The following RXRA variants were observed in gnomAD, a reference collection of about 807,000 sequenced individuals.
RXRA encodes the protein retinoic acid receptor RXR-alpha.
RXRA carries 5 observed loss-of-function variants against 44.5 expected under a neutral mutation model. The ratio of observed to expected loss-of-function variants is 0.11; its 90% CI spans 0.06 to 0.24. The LOEUF (loss-of-function observed/expected upper bound fraction) is 0.24. Ranked by LOEUF, RXRA falls within the 10% of genes least tolerant of loss-of-function variation. The pLI is 1.00. For synonymous variants in RXRA, 291 were observed against 271.4 expected (o/e 1.07, Z -0.71); for missense variants, 412 against 646.5 (o/e 0.64, Z 3.93).
intron 1 of RXRA, among the ~76,000 whole-genome samples, chr9:134,389,117 C>T (rs938884331): frequency 5.3e-5 from 8 of 152,184 alleles, no homozygotes; most frequent in South Asian, 4.1e-4. Flanking sequence ...GCCACCTGGC[C>T]GGTCCTGTCG....
At chr9:134,367,309 C>G (rs1372293809) in intron 1 of RXRA, among the ~76,000 whole-genome samples, 1 of 152,210 alleles carries the variant, frequency 6.6e-6, no homozygotes, top group Non-Finnish European at 1.5e-5. Flanking sequence ...CTGCGCTGGG[C>G]AGGGACTGAG....
chr9:134,383,172 C>T (rs1436691046), intron 1 of RXRA, among the ~76,000 whole-genome samples: 13 of 152,178 alleles, frequency 8.5e-5, no homozygotes, highest in Admixed American at 7.2e-4. Flanking sequence ...CATGAGGGGC[C>T]GAGAGCCCAG....
At chr9:134,372,287 G>C (rs1451809886) in intron 1 of RXRA, 1 of 152,318 alleles carries the variant, frequency 6.6e-6, no homozygotes, top group South Asian at 2.1e-4. Context: ...CACTGGGGAG[G>C]TGGAGGGCCG....
chr9:134,357,473 G>A (rs1214665901), intron 1 of RXRA, among the ~76,000 whole-genome samples: 2 of 152,140 alleles, frequency 1.3e-5, no homozygotes, highest in African/African-American at 4.8e-5. Context: ...AGGGGGTTGG[G>A]GGATGTGGAG....
chr9:134,421,494 G>T (rs548024219), intron 5 of RXRA, among the ~76,000 whole-genome samples, 182 bp from the exon 6 acceptor site: 1 of 152,300 alleles, frequency 6.6e-6, no homozygotes, highest in South Asian at 2.1e-4. Flanking sequence ...CCTCTGCCAA[G>T]CCCCATGTGC....
chr9:134,361,563 G>T (rs1232085940), intron 1 of RXRA, among the ~76,000 whole-genome samples: 1 of 152,186 alleles, frequency 6.6e-6, no homozygotes, highest in Non-Finnish European at 1.5e-5. Flanking sequence ...GAGACTAAAT[G>T]CCTCCAACGT....
intron 6 of RXRA, chr9:134,422,415 A>C (rs1261585548): frequency 2.5e-3 from 2,424 of 974,172 alleles, no homozygotes; most frequent in African/African-American, 0.015. Context: ...GTGACATTCC[A>C]CTCTCCCTGG....
chr9:134,430,409 G>A (rs1040901454), intron 7 of RXRA, among the ~76,000 whole-genome samples: 4 of 152,332 alleles, frequency 2.6e-5, no homozygotes, highest in Admixed American at 6.5e-5. Flanking sequence ...GGTGAGTAGA[G>A]GCCATGCACC....
At chr9:134,412,188 T>C (rs759514964) in intron 4 of RXRA, among the ~76,000 whole-genome samples, 6 of 152,200 alleles carry the variant, frequency 3.9e-5, no homozygotes, top group Non-Finnish European at 7.4e-5. Context: ...TGGGGCCAAG[T>C]TGGCCAACAC....
chr9:134,326,830 C>G (rs1490121209), intron 1 of RXRA, among the ~76,000 whole-genome samples, 171 bp downstream of exon 1: 1 of 143,282 alleles, frequency 7.0e-6, no homozygotes, highest in Non-Finnish European at 1.5e-5. Flanking sequence ...GGAGGGTCGA[C>G]CCGGGGCAAC....
intron 4 of RXRA, among the ~76,000 whole-genome samples, chr9:134,412,034 C>T (rs1277660255): frequency 1.3e-5 from 2 of 152,208 alleles, no homozygotes; most frequent in African/African-American, 4.8e-5. Flanking sequence ...TGGGCAAGAC[C>T]CCTTGGCTCC....
chr9:134,351,082 G>A (rs1363963083), intron 1 of RXRA, among the ~76,000 whole-genome samples: 2 of 152,242 alleles, frequency 1.3e-5, no homozygotes, highest in Non-Finnish European at 1.5e-5. Flanking sequence ...TACAAACACC[G>A]CATTGTGAGG....
In RXRA at chr9:134,386,761, G is replaced by A. The variant is rs547715426; in HGVS notation, c.29-14871G>A. On this transcript the variant is annotated intron_variant, in intron 1 of 9. Coordinates refer to ENST00000481739, the MANE Select transcript of RXRA (RefSeq NM_002957.6). The stretch of plus-strand genomic sequence containing the variant: ...TCCCCCCGGGTGTCTGGGCCTGAGG[G>A]CTCCTTTCAGGCCACTTTGTTCCAG... 4.6e-5 allele frequency among the ~76,000 whole-genome samples: 7 copies of A among 152,238 alleles called. No homozygotes were observed. In the East Asian group the frequency reaches 1.4e-3, roughly 29 times the overall value.
At chr9:134,418,642 T>C (rs1831278912) in intron 5 of RXRA, among the ~76,000 whole-genome samples, 1 of 152,174 alleles carries the variant, frequency 6.6e-6, no homozygotes, top group African/African-American at 2.4e-5. Flanking sequence ...CCGGCCTTCA[T>C]CTGTGCCCCT....
chr9:134,343,964 G>A lies in RXRA; in HGVS notation c.28+17305G>A, dbSNP rs1830118589. 6.6e-6 allele frequency among the ~76,000 whole-genome samples: 1 copy of A among 152,182 alleles called. No individual in the cohort carries two copies. The highest frequency in any genetic ancestry group is 6.5e-5 in the Admixed American group (1 of 15,286). The stretch of plus-strand genomic sequence containing the variant: ...CATCTCCCCATAGGCCCTCCCCACA[G>A]GATGCAGCCCTTCCTCATGGGGCCT... On this transcript the variant is annotated intron_variant, in intron 1 of 9. Transcript: ENST00000481739. The surrounding 1 kb of genome is among the most constrained non-coding windows in gnomAD (Gnocchi z 4.1).
chr9:134,386,674 A>G (rs80232582), intron 1 of RXRA, among the ~76,000 whole-genome samples: 1 of 152,248 alleles, frequency 6.6e-6, no homozygotes, highest in Non-Finnish European at 1.5e-5. Flanking sequence ...CAGCAAACTG[A>G]GGCTGGCCCT....
At position 134,407,907 on chromosome 9, in the gene RXRA, G is replaced by A. The variant is rs1831081452; in HGVS notation, c.280-242G>A. On this transcript the variant is annotated intron_variant, in intron 2 of 9. Transcript: ENST00000481739. This position sits in a 1 kb window ranked among gnomAD's most constrained non-coding sequence, Gnocchi z 4.8. ...GGTGTTGAAGGTCCTTTTCCACAGA[G>A]GCCTGGGGTCTGCTGCGGGCGAGTC... 6.6e-6 allele frequency among the ~76,000 whole-genome samples: 1 copy of A among 152,004 alleles called. No individual in the cohort carries two copies. The highest frequency in any genetic ancestry group is 1.5e-5 in the Non-Finnish European group (1 of 67,952).
At chr9:134,420,972 C>T (rs1831320281) in intron 5 of RXRA, among the ~76,000 whole-genome samples, 1 of 152,248 alleles carries the variant, frequency 6.6e-6, no homozygotes, top group African/African-American at 2.4e-5. Context: ...GCTCCCACAT[C>T]CATGCCTGAT....
At chr9:134,434,760 C>T (rs1258432836) in intron 9 of RXRA, among the ~76,000 whole-genome samples, 1 of 151,836 alleles carries the variant, frequency 6.6e-6, no homozygotes, top group African/African-American at 2.4e-5. Context: ...GGAAGAGAAA[C>T]GTTTGTGGAT....
Sources: allele counts gnomAD v4.1 joint callset (sites outside exome capture counted in the v4.1 genomes callset), GRCh38; gene constraint gnomAD v4.1.1; non-coding constraint Gnocchi (gnomAD v3.1); transcripts MANE v1.5; gene names NCBI Gene and HGNC (gene_info 2026-07-23, HGNC 2026-07-21).